Variants in NAA11 observed in about 807,000 individuals in gnomAD.
NAA11 encodes the protein N-alpha-acetyltransferase 11, NatA catalytic subunit.
A neutral mutation model predicts 16.1 loss-of-function variants in NAA11; 15 were observed. The ratio of observed to expected loss-of-function variants is 0.93; its 90% confidence interval spans 0.62 to 1.44. The LOEUF (loss-of-function observed/expected upper bound fraction) is 1.44, where lower values mean the gene tolerates loss of function less well. NAA11 is among the 40% of genes most tolerant of loss of function. The pLI, the probability that NAA11 is intolerant of heterozygous loss-of-function variation, is 0.00. For synonymous variants in NAA11, 122 were observed against 112.4 expected (o/e 1.09, Z -0.54); for missense variants, 298 against 291.3 (o/e 1.02, Z -0.17).
rs1170918547 is a variant in NAA11, at chr4:79,325,815, G to A, written c.63C>T (p.Cys21=). Residue 21 remains cysteine, a synonymous_variant, in exon 1 of 2, where the codon TGC becomes TGT. Transcript: ENST00000286794. ...ATTTCATCTGGTAGTTCTCAGGAAGGCAAAGGAGGTTGCAGTGTTGCATAT... is the reference window on the plus strand; with the variant it reads ...ATTTCATCTGGTAGTTCTCAGGAAGACAAAGGAGGTTGCAGTGTTGCATAT... ...LMNMQHCNLL[C]LPENYQMKYY... 7 of 1,614,022 alleles carry A rather than the reference G, an allele frequency of 4.3e-6. No homozygotes were observed. The highest frequency in any genetic ancestry group is 5.1e-6 in the Non-Finnish European group (6 of 1,179,986).
intron 2 of NAA11, among the ~76,000 whole-genome samples, chr4:79,269,573 T>A (rs937807657): frequency 7.3e-5 from 11 of 150,648 alleles, no homozygotes; most frequent in African/African-American, 2.7e-4. Context: ...TGTAAATTTG[T>A]TTGAGTTCCT....
chr4:79,252,001 C>T (rs1014002933), intron 2 of NAA11, among the ~76,000 whole-genome samples: 1 of 70,068 alleles, frequency 1.4e-5, no homozygotes, highest in African/African-American at 3.6e-5. Context: ...CCATGGAATA[C>T]TACTCAGCCA....
intron 2 of NAA11, among the ~76,000 whole-genome samples, chr4:79,284,163 T>C (rs1722857734): frequency 6.6e-6 from 1 of 152,108 alleles, no homozygotes; most frequent in African/African-American, 2.4e-5. Flanking sequence ...TTGAGAAATT[T>C]AGCTCAACTT....
chr4:79,265,869 G>A (rs188475022), intron 2 of NAA11, among the ~76,000 whole-genome samples: 3 of 152,176 alleles, frequency 2.0e-5, no homozygotes, highest in Admixed American at 6.5e-5. Context: ...TCCTGCCTCA[G>A]CTATATTTTT....
chr4:79,265,524 A>G (rs780438852), intron 2 of NAA11, among the ~76,000 whole-genome samples: 4 of 152,038 alleles, frequency 2.6e-5, no homozygotes, highest in African/African-American at 4.8e-5. Flanking sequence ...TTTAGCTTAC[A>G]CCTATGGGGT....
intron 2 of NAA11, among the ~76,000 whole-genome samples, chr4:79,232,955 T>G (rs4246718): frequency 0.7 from 106,586 of 151,856 alleles, 40,040 homozygotes; most frequent in East Asian, 0.89. Context: ...TTTGTCCTAT[T>G]TTAGCTTATT....
At chr4:79,260,684 A>C (rs1484111317) in intron 2 of NAA11, among the ~76,000 whole-genome samples, 1 of 152,272 alleles carries the variant, frequency 6.6e-6, no homozygotes, top group Non-Finnish European at 1.5e-5. Flanking sequence ...GGGAAACTCA[A>C]CTTCATCTAG....
the NAA11 span, among the ~76,000 whole-genome samples, chr4:79,186,900 G>A: frequency 6.6e-6 from 1 of 152,154 alleles, no homozygotes. Flanking sequence ...GATGAACACA[G>A]TGAGGTTTAT....
chr4:79,200,386 AAG>A, the NAA11 span, among the ~76,000 whole-genome samples: 1 of 151,788 alleles, frequency 6.6e-6, no homozygotes, highest in African/African-American at 2.4e-5. Flanking sequence ...TGTTCTGGGA[AAG>A]AGGGAAGAAG....
rs998168346 is a variant in NAA11, at chr4:79,241,347, T to C, written c.*123-15077A>G. On this transcript the variant is annotated intron_variant and NMD_transcript_variant, in intron 2 of 2. Transcript: ENST00000511542. ...ATACGTTACATAACTGTTAATGTTATTGGTAAGCATTCCAGTCAACAGAAG... is the reference window on the plus strand; with the variant it reads ...ATACGTTACATAACTGTTAATGTTACTGGTAAGCATTCCAGTCAACAGAAG... 2.0e-5 allele frequency among the ~76,000 whole-genome samples: 3 copies of C among 152,238 alleles called. No individual in the cohort carries two copies. In the East Asian group the frequency reaches 5.8e-4, roughly 29 times the overall value.
chr4:79,266,023 C>G (rs562610631), intron 2 of NAA11, among the ~76,000 whole-genome samples: 62 of 152,258 alleles, frequency 4.1e-4, no homozygotes, highest in Non-Finnish European at 7.2e-4. Context: ...CAGTATCAAC[C>G]TCACATTCCT....
chr4:79,264,616 T>C (rs959743289), intron 2 of NAA11, among the ~76,000 whole-genome samples: 1 of 152,196 alleles, frequency 6.6e-6, no homozygotes, highest in Non-Finnish European at 1.5e-5. Context: ...AGATCTCATG[T>C]GTACTTCTTT....
intron 2 of NAA11, among the ~76,000 whole-genome samples, chr4:79,265,309 C>T (rs1722320277): frequency 6.6e-6 from 1 of 152,096 alleles, no homozygotes; most frequent in Non-Finnish European, 1.5e-5. Context: ...TTCCTTTTTC[C>T]ACTTTTGCTC....
At chr4:79,316,182 C>A (rs1040532961), downstream of NAA11, among the ~76,000 whole-genome samples, 6 of 152,094 alleles carry the variant, frequency 3.9e-5, no homozygotes, top group African/African-American at 1.4e-4. Flanking sequence ...TGGAATACTT[C>A]ATCAGTAAGA....
chr4:79,255,346 T>G (rs1722084816), intron 2 of NAA11, among the ~76,000 whole-genome samples: 1 of 152,226 alleles, frequency 6.6e-6, no homozygotes, highest in Non-Finnish European at 1.5e-5. Context: ...TTTACTGATA[T>G]TAATATCAAT....
the NAA11 span, among the ~76,000 whole-genome samples, chr4:79,188,698 T>G: frequency 6.6e-6 from 1 of 152,338 alleles, no homozygotes; most frequent in Middle Eastern, 3.4e-3. Flanking sequence ...TTACTATTGT[T>G]CCTATGATTC....
downstream of NAA11, among the ~76,000 whole-genome samples, chr4:79,222,475 C>G (rs1265025829): frequency 6.6e-6 from 1 of 150,452 alleles, no homozygotes; most frequent in African/African-American, 2.5e-5. Context: ...CTTCCTTACA[C>G]CTTATACAAA....
intron 1 of NAA11, 87 bp downstream of exon 1, chr4:79,325,089 G>A: frequency 3.3e-6 from 4 of 1,211,360 alleles, no homozygotes; most frequent in Non-Finnish European, 4.5e-6. Flanking sequence ...GGGCCAGAAT[G>A]GGGTAAGACA....
the NAA11 span, among the ~76,000 whole-genome samples, chr4:79,166,012 T>C: frequency 1.2e-4 from 19 of 152,318 alleles, no homozygotes; most frequent in East Asian, 1.2e-3. Flanking sequence ...TACTCTCTAT[T>C]AATTGAGGAA....
Sources: gnomAD v4.1 joint callset for allele counts (sites outside exome capture counted in the v4.1 genomes callset) on GRCh38, gnomAD v4.1.1 for gene constraint, MANE v1.5 for transcripts, NCBI Gene and HGNC (gene_info 2026-07-23, HGNC 2026-07-21) for gene names.